The following NIPBL variants were observed in gnomAD, a reference collection of about 807,000 sequenced individuals.
NIPBL encodes the protein nipped-B-like protein.
Under a neutral mutation model 321.8 loss-of-function variants are expected in NIPBL, and 19 were observed. That is an observed-to-expected ratio of 0.06 (90% CI 0.04 to 0.09). The LOEUF (loss-of-function observed/expected upper bound fraction) is 0.09, where lower values mean the gene tolerates loss of function less well. NIPBL is among the 10% of genes least tolerant of loss of function. The probability of loss-of-function intolerance (pLI) is 1.00; values close to 1 mark genes in which losing one functional copy is unlikely to be tolerated. For missense variants in NIPBL, 2,210 were observed against 3,327.0 expected (o/e 0.66, Z 8.26); for synonymous variants, 1,106 against 1,114.1 (o/e 0.99, Z 0.14).
chr5:36,972,272 C>T lies in NIPBL; in HGVS notation c.868+231C>T, dbSNP rs72734700. On this transcript the variant is annotated intron_variant, in intron 8 of 46. Coordinates refer to ENST00000282516, the MANE Select transcript of NIPBL (RefSeq NM_133433.4). ...AATCTGTTGATAGTATTCTCGGATA[C>T]ATCCAGTATCCATTCTCTTTAATAA... is the stretch of plus-strand genomic sequence containing the variant. 0.017 allele frequency among the ~76,000 whole-genome samples: 2,646 copies of T among 152,168 alleles called. 32 individuals carry two copies. The highest frequency in any genetic ancestry group is 0.041 in the Middle Eastern group (12 of 294).
intron 1 of NIPBL, among the ~76,000 whole-genome samples, chr5:36,942,919 T>G (rs1394607946): frequency 6.6e-6 from 1 of 152,126 alleles, no homozygotes; most frequent in Non-Finnish European, 1.5e-5. Flanking sequence ...GAAAAAAAGT[T>G]TTAATTCTTG....
Position 36,876,857 on chromosome 5 carries a change from C to G in NIPBL, c.-401C>G. ...CCTCCCCCCCCTCCCTCCGTCGGTA[C>G]CGACTCACCCGACACCACCAAGCCG... On this transcript the variant is annotated 5_prime_UTR_variant, in exon 1 of 47. Transcript: ENST00000282516. The G allele has an allele frequency of 6.0e-6, 1 of 165,670 alleles. No individual in the cohort carries two copies. Among genetic ancestry groups the G allele is most frequent in the Non-Finnish European group, 1.2e-5 (1 of 83,606 alleles). The allele number at this position is 165,670 out of a possible 1,614,324, so 10.3% of individuals were successfully genotyped here.
intron 1 of NIPBL, among the ~76,000 whole-genome samples, chr5:36,931,270 T>A (rs1338682836): frequency 1.3e-5 from 2 of 152,030 alleles, no homozygotes; most frequent in East Asian, 3.9e-4. Context: ...TTTTTTAATA[T>A]AAGTTGTGTA....
intron 1 of NIPBL, among the ~76,000 whole-genome samples, chr5:36,925,039 T>C (rs901975394): frequency 6.6e-6 from 1 of 152,204 alleles, no homozygotes; most frequent in Admixed American, 6.5e-5. Context: ...TGTCCACTTA[T>C]GCAGGTATTT....
chr5:37,048,763 ATTTG>A (rs1289284816), intron 39 of NIPBL, 88 bp downstream of exon 39: 12 of 1,121,536 alleles, frequency 1.1e-5, no homozygotes, highest in African/African-American at 1.6e-5. Flanking sequence ...AAATTTCCTT[ATTTG>A]TTAGATGAAG....
chr5:36,926,275 C>T (rs1749353843), intron 1 of NIPBL, among the ~76,000 whole-genome samples: 1 of 152,132 alleles, frequency 6.6e-6, no homozygotes, highest in Admixed American at 6.5e-5. Context: ...AAATAACAGC[C>T]ATTTTCCTAT....
intron 1 of NIPBL, among the ~76,000 whole-genome samples, chr5:36,945,024 C>T (rs757918244): frequency 6.6e-6 from 1 of 151,958 alleles, no homozygotes; most frequent in Non-Finnish European, 1.5e-5. Context: ...CAGTTTCAAC[C>T]TATATAAGGG....
chr5:36,890,899 C>G (rs28408500), intron 1 of NIPBL, among the ~76,000 whole-genome samples: 6,350 of 152,262 alleles, frequency 0.042, 454 homozygotes, highest in African/African-American at 0.14. Context: ...CATATTCATT[C>G]TCTTGTACAT....
chr5:36,971,833 G>T (rs2149621400), intron 7 of NIPBL, 112 bp from the exon 8 acceptor site: 1 of 1,503,878 alleles, frequency 6.6e-7, no homozygotes, highest in South Asian at 1.3e-5. Flanking sequence ...TTATGCTTTT[G>T]AATTCCAACA....
intron 34 of NIPBL, 99 bp from the exon 35 acceptor site, chr5:37,044,248 C>A: frequency 7.0e-6 from 7 of 996,128 alleles, no homozygotes; most frequent in East Asian, 3.2e-5. Flanking sequence ...TGGACCTTTA[C>A]GTGCAAAATG....
At chr5:37,044,213 ACT>A (rs1752744636) in intron 34 of NIPBL, 132 bp from the exon 35 acceptor site, 3 of 763,034 alleles carry the variant, frequency 3.9e-6, no homozygotes, top group Admixed American at 2.8e-5. Context: ...TGAAAAAAAA[ACT>A]CTAACAGACT....
chr5:37,060,322 C>T (rs1034902998), intron 44 of NIPBL, among the ~76,000 whole-genome samples: 6 of 152,146 alleles, frequency 3.9e-5, no homozygotes, highest in African/African-American at 1.4e-4. Flanking sequence ...CCACACCCAG[C>T]TAATTTTTTT....
chr5:36,984,601 C>A (rs1320514359), intron 9 of NIPBL, 75 bp from the exon 10 acceptor site: 2 of 1,339,514 alleles, frequency 1.5e-6, no homozygotes, highest in Non-Finnish European at 2.1e-6. Context: ...AAAAGATAAA[C>A]AACGTCCATA....
chr5:36,889,236 A>C (rs570062536), intron 1 of NIPBL, among the ~76,000 whole-genome samples: 4 of 152,242 alleles, frequency 2.6e-5, no homozygotes, highest in Admixed American at 1.3e-4. Context: ...TTAGTTAACT[A>C]TTTTTATCTG....
chr5:36,879,870 T>G (rs1302998163), intron 1 of NIPBL, among the ~76,000 whole-genome samples: 7 of 152,118 alleles, frequency 4.6e-5, no homozygotes, highest in African/African-American at 1.7e-4. Flanking sequence ...ATTAAATAGA[T>G]AATTTTCAAT....
At chr5:36,913,173 G>A (rs569866577) in intron 1 of NIPBL, among the ~76,000 whole-genome samples, 31 of 152,234 alleles carry the variant, frequency 2.0e-4, no homozygotes, top group Middle Eastern at 3.4e-3. Context: ...TTGTATTTTA[G>A]ATAATAGTAA....
intron 9 of NIPBL, among the ~76,000 whole-genome samples, chr5:36,979,612 C>T (rs939984170): frequency 1.3e-5 from 2 of 151,480 alleles, no homozygotes; most frequent in Non-Finnish European, 3.0e-5. Context: ...GGTAGGACTT[C>T]TGGAATTTTT....
chr5:36,982,798 CTG>C lies in NIPBL; in HGVS notation c.1496-1875_1496-1874del, dbSNP rs944940968. Among the ~76,000 whole-genome samples the C allele has an allele frequency of 4.6e-5, 7 of 151,898 alleles. No homozygotes were observed. The South Asian group carries it at 1.2e-3, about 27-fold the overall frequency. ...AGCTATGTTAATGTTTTTCTGAAGA[CTG>C]TGCATAAAAGAGTCAGCCATAGATA... On this transcript the variant is annotated intron_variant, in intron 9 of 46. Coordinates refer to ENST00000282516, the MANE Select transcript of NIPBL (RefSeq NM_133433.4).
intron 4 of NIPBL, among the ~76,000 whole-genome samples, chr5:36,958,793 G>C (rs1452888848): frequency 6.6e-6 from 1 of 152,140 alleles, no homozygotes; most frequent in Non-Finnish European, 1.5e-5. Context: ...GCATTGTTCT[G>C]TTCAAGCTTA....
Sources: allele counts gnomAD v4.1 joint callset (sites outside exome capture counted in the v4.1 genomes callset), GRCh38; gene constraint gnomAD v4.1.1; transcripts MANE v1.5; gene names NCBI Gene and HGNC (gene_info 2026-07-23, HGNC 2026-07-21).